BMP7: variants seen among roughly 807,000 people sequenced by gnomAD.
BMP7 encodes osteogenic protein 1.
In BMP7, 12 loss-of-function variants were observed where a neutral mutation model predicts 41.2. That is an observed-to-expected ratio of 0.29 (90% CI 0.19 to 0.47). The LOEUF is 0.47. BMP7 is among the 20% of genes least tolerant of loss of function. The pLI, the probability that BMP7 is intolerant of heterozygous loss-of-function variation, is 0.99. For synonymous variants in BMP7, 248 were observed against 250.0 expected (o/e 0.99, Z 0.07); for missense variants, 467 against 606.0 (o/e 0.77, Z 2.41).
At chr20:57,221,987 G>A (rs1378424606) in intron 2 of BMP7, among the ~76,000 whole-genome samples, 1 of 152,166 alleles carries the variant, frequency 6.6e-6, no homozygotes, top group Non-Finnish European at 1.5e-5. Context: ...TGGGAGAGAG[G>A]AGGCTCCAAG....
rs114936617 is a variant in BMP7, at chr20:57,258,130, G to A, written c.418+7575C>T. 2.4e-3 allele frequency among the ~76,000 whole-genome samples: 372 copies of A among 152,342 alleles called. 1 individual carries two copies. The highest frequency in any genetic ancestry group is 8.4e-3 in the African/African-American group (351 of 41,570). ...TTGAAAGCTACTCCAGGGAGATAAA[G>A]ATGTGATAGAACACGTGACCTCAGA... On this transcript the variant is annotated intron_variant, in intron 1 of 6. Transcript: ENST00000395863.
chr20:57,170,906 C>A lies in BMP7; in HGVS notation c.*53G>T, dbSNP rs1279483463. 7 of 1,605,162 alleles carry A rather than the reference C, an allele frequency of 4.4e-6. No homozygotes were observed. Among genetic ancestry groups the A allele is most frequent in the East Asian group, 4.5e-5 (2 of 44,778 alleles). ...TCTGCTGGTTCCTGGCCAAGGCGAG[C>A]AATGGAGGATCCAGAAAAACTTGGC... On this transcript the variant is annotated 3_prime_UTR_variant, in exon 7 of 7. Transcript: ENST00000395863.
chr20:57,183,800 T>C lies in BMP7; in HGVS notation c.880A>G (p.Thr294Ala), dbSNP rs1036142405. 1 of 1,614,192 alleles carries C rather than the reference T, an allele frequency of 6.2e-7. No individual in the cohort carries two copies. Among genetic ancestry groups the C allele is most frequent in the Non-Finnish European group, 8.5e-7 (1 of 1,180,036 alleles). ...TTCTGGCTGCGCTGTTTGCTCCCCG[T>C]GGACCGGATGCTGCGGAAGTGGACC... ...TEVHFRSIRS[T>A]GSKQRSQNRS... The change falls in exon 4 of 7, where the codon ACG (threonine) becomes GCG (alanine). Residue 294 changes from threonine to alanine, a missense_variant. Coordinates refer to ENST00000395863, the MANE Select transcript of BMP7 (RefSeq NM_001719.3).
rs577917498 is a variant in BMP7, at chr20:57,174,605, A to C, written c.1035+326T>G. Among the ~76,000 whole-genome samples, 1 of 152,296 alleles carries C rather than the reference A, an allele frequency of 6.6e-6. No homozygotes were observed. The highest frequency in any genetic ancestry group is 2.4e-5 in the African/African-American group (1 of 41,564). ...AGGGCAGAGGGGGAGATGGCTCCCC[A>C]GGTATCTACATTCAAACACACGGCC... On this transcript the variant is annotated intron_variant, in intron 5 of 6. Coordinates refer to ENST00000395863, the MANE Select transcript of BMP7 (RefSeq NM_001719.3). The surrounding 1 kb of genome is among the most constrained non-coding windows in gnomAD (Gnocchi z 4.3).
At chr20:57,263,335 T>C (rs1408155944) in intron 1 of BMP7, among the ~76,000 whole-genome samples, 1 of 152,232 alleles carries the variant, frequency 6.6e-6, no homozygotes, top group African/African-American at 2.4e-5. Context: ...AAGGTGTATG[T>C]ACAGCCAGAG....
chr20:57,211,530 C>T (rs538707392), intron 2 of BMP7, among the ~76,000 whole-genome samples: 12 of 152,140 alleles, frequency 7.9e-5, no homozygotes, highest in African/African-American at 2.7e-4. Context: ...ACCTCCCAGG[C>T]CCTGATCCCA....
chr20:57,258,854 T>C (rs1019688785), intron 1 of BMP7, among the ~76,000 whole-genome samples: 23 of 152,340 alleles, frequency 1.5e-4, no homozygotes, highest in African/African-American at 5.5e-4. Flanking sequence ...AACTGAAATT[T>C]GGACTAATAT....
At chr20:57,217,774 G>A (rs987316460) in intron 2 of BMP7, among the ~76,000 whole-genome samples, 6 of 152,162 alleles carry the variant, frequency 3.9e-5, no homozygotes, top group South Asian at 2.1e-4. Context: ...AAAGGGGTCC[G>A]GAATAAATGA....
chr20:57,199,678 G>A (rs914956726), intron 3 of BMP7, among the ~76,000 whole-genome samples: 5 of 152,160 alleles, frequency 3.3e-5, no homozygotes, highest in Admixed American at 1.3e-4. Context: ...ATGATGTCTC[G>A]AAAATCCCGG....
chr20:57,238,114 T>C (rs1448543268), intron 1 of BMP7, among the ~76,000 whole-genome samples: 2 of 152,254 alleles, frequency 1.3e-5, no homozygotes, highest in Middle Eastern at 3.4e-3. Flanking sequence ...TAACTCCCCT[T>C]TCTTCCTCCC....
At position 57,261,342 on chromosome 20, in the gene BMP7, C is replaced by T. The variant is rs986826502; in HGVS notation, c.418+4363G>A. On this transcript the variant is annotated intron_variant, in intron 1 of 6. Transcript: ENST00000395863. This position sits in a 1 kb window ranked among gnomAD's most constrained non-coding sequence, Gnocchi z 4.1. ...ATTTGCAAGTGGGCCATCTCTGTTA[C>T]CCCTTCCATGGGGACCGCTCCACAA... Among the ~76,000 whole-genome samples the T allele has an allele frequency of 2.0e-5, 3 of 152,166 alleles. No individual in the cohort carries two copies. Among genetic ancestry groups the T allele is most frequent in the Non-Finnish European group, 2.9e-5 (2 of 68,036 alleles).
intron 1 of BMP7, among the ~76,000 whole-genome samples, chr20:57,247,597 T>C (rs867384282): frequency 3.3e-5 from 5 of 152,148 alleles, no homozygotes; most frequent in Non-Finnish European, 7.4e-5. Context: ...AGAAGGCATA[T>C]AGGTGCCCAG....
chr20:57,210,735 G>C (rs1240244376), intron 2 of BMP7, among the ~76,000 whole-genome samples: 1 of 152,244 alleles, frequency 6.6e-6, no homozygotes, highest in Non-Finnish European at 1.5e-5. Flanking sequence ...ACCTGGGACA[G>C]TCCCCATCCT....
chr20:57,208,522 A>G (rs1422928345), intron 2 of BMP7, among the ~76,000 whole-genome samples: 1 of 152,204 alleles, frequency 6.6e-6, no homozygotes. Flanking sequence ...CACTCTGGAA[A>G]ACAGTATAGT....
chr20:57,201,089 G>A (rs1984608771), intron 3 of BMP7, among the ~76,000 whole-genome samples: 1 of 152,222 alleles, frequency 6.6e-6, no homozygotes, highest in South Asian at 2.1e-4. Flanking sequence ...CCTGGTGGCT[G>A]TCTGAGAACA....
At chr20:57,256,606 G>A (rs957984853) in intron 1 of BMP7, among the ~76,000 whole-genome samples, 2 of 152,180 alleles carry the variant, frequency 1.3e-5, no homozygotes, top group African/African-American at 2.4e-5. Context: ...GGTGGCTTAC[G>A]CCTGTTATCC....
chr20:57,226,223 G>A (rs1456469312), intron 2 of BMP7, among the ~76,000 whole-genome samples: 2 of 152,238 alleles, frequency 1.3e-5, no homozygotes, highest in Non-Finnish European at 2.9e-5. Flanking sequence ...AAAGCCAGCA[G>A]GAAGGACCAA....
At chr20:57,202,709 G>T in intron 2 of BMP7, 86 bp from the exon 3 acceptor site, 3 of 1,325,778 alleles carry the variant, frequency 2.3e-6, no homozygotes, top group Non-Finnish European at 3.1e-6. Flanking sequence ...GAGCCTCATG[G>T]GGTGGGAGGG....
chr20:57,205,141 TTTTG>T (rs10627323), intron 2 of BMP7, among the ~76,000 whole-genome samples: 12 of 151,174 alleles, frequency 7.9e-5, no homozygotes, highest in South Asian at 2.1e-4. Flanking sequence ...GGTATTTGTT[TTTTG>T]TTTGTTTGTT....
Sources: gnomAD v4.1 joint callset for allele counts (sites outside exome capture counted in the v4.1 genomes callset) on GRCh38, gnomAD v4.1.1 for gene constraint, Gnocchi (gnomAD v3.1) non-coding constraint, MANE v1.5 for transcripts, NCBI Gene and HGNC (gene_info 2026-07-23, HGNC 2026-07-21) for gene names.